Variants in ILKAP observed in about 807,000 individuals in gnomAD.
ILKAP encodes ILK associated serine/threonine phosphatase, also known as integrin-linked kinase-associated serine/threonine phosphatase 2C.
In ILKAP, 11 loss-of-function variants were observed where a neutral mutation model predicts 49.1. That is an observed-to-expected ratio of 0.22 (90% CI 0.14 to 0.37). The LOEUF is 0.37. ILKAP is among the 10% of genes least tolerant of loss of function. The probability of loss-of-function intolerance (pLI) is 1.00; values close to 1 mark genes in which losing one functional copy is unlikely to be tolerated. For synonymous variants in ILKAP, 186 were observed against 192.8 expected, an observed-to-expected ratio of 0.96 and a Z score of 0.29; for missense variants, 363 against 510.8, an observed-to-expected ratio of 0.71 and a Z score of 2.79.
At chr2:238,175,556 G>A (rs13000667) in intron 9 of ILKAP, among the ~76,000 whole-genome samples, 37,007 of 152,114 alleles carry the variant, frequency 0.24, 5,638 homozygotes, top group South Asian at 0.37. Context: ...GATGTCCTAC[G>A]TAGGATGTGC....
At chr2:238,183,549 T>C (rs1157356631) in intron 8 of ILKAP, 104 bp downstream of exon 8, 10 of 830,566 alleles carry the variant, frequency 1.2e-5, no homozygotes, top group South Asian at 1.6e-5. Context: ...AAGAAAGGTT[T>C]CAACCAGACA....
At chr2:238,195,599 T>A (rs925224045) in intron 1 of ILKAP, among the ~76,000 whole-genome samples, 1 of 152,212 alleles carries the variant, frequency 6.6e-6, no homozygotes, top group African/African-American at 2.4e-5. Flanking sequence ...AGCTTTTTCC[T>A]GAAATTCTGT....
intron 4 of ILKAP, among the ~76,000 whole-genome samples, chr2:238,189,520 C>A (rs1694036017): frequency 6.6e-6 from 1 of 152,084 alleles, no homozygotes; most frequent in Non-Finnish European, 1.5e-5. Context: ...TGACAAACTG[C>A]AAACAAAGAT....
intron 11 of ILKAP, 25 bp downstream of exon 11, chr2:238,170,918 A>G (rs1457209589): frequency 3.7e-6 from 6 of 1,600,446 alleles, no homozygotes; most frequent in Middle Eastern, 1.7e-4. Context: ...TGGGACAACC[A>G]CCACCCCCGT....
intron 9 of ILKAP, among the ~76,000 whole-genome samples, chr2:238,176,800 C>G (rs1693479651): frequency 6.6e-6 from 1 of 152,240 alleles, no homozygotes; most frequent in Non-Finnish European, 1.5e-5. Context: ...CAAGACACAG[C>G]TGGTCTCAAT....
At chr2:238,175,581 G>T (rs1693414938) in intron 9 of ILKAP, among the ~76,000 whole-genome samples, 1 of 152,138 alleles carries the variant, frequency 6.6e-6, no homozygotes, top group South Asian at 2.1e-4. Context: ...TCAAATACCT[G>T]TCAGTTCAAC....
At chr2:238,195,790 C>T (rs1694317142) in intron 1 of ILKAP, among the ~76,000 whole-genome samples, 1 of 152,102 alleles carries the variant, frequency 6.6e-6, no homozygotes, top group South Asian at 2.1e-4. Context: ...TGCCTATAAA[C>T]CCAGCACTTC....
rs554931391 is a variant in ILKAP, at chr2:238,202,434, A to T, written c.55+1065T>A. Among the ~76,000 whole-genome samples the T allele has an allele frequency of 6.6e-5, 10 of 152,210 alleles. No individual in the cohort carries two copies. In the South Asian group the frequency reaches 2.1e-3, roughly 32 times the overall value. On this transcript the variant is annotated intron_variant, in intron 1 of 11. Transcript: ENST00000254654. ...ACCCTTCAGAAAGCAGCTCTTAGAA[A>T]GCGAAGGCTGGGCCTTACTCACCTC...
chr2:238,171,183 G>GT (rs2106324224), intron 10 of ILKAP, among the ~76,000 whole-genome samples, 159 bp from the exon 11 acceptor site: 1 of 147,562 alleles, frequency 6.8e-6, no homozygotes, highest in East Asian at 1.9e-4. Flanking sequence ...TTTTGAGATG[G>GT]AGTTTCACTC....
Position 238,173,545 on chromosome 2 carries a change from G to T in ILKAP, c.945C>A (p.Thr315=). The change falls in exon 10 of 12, where the codon ACC becomes ACA. Residue 315 remains threonine (T), a synonymous_variant. Transcript: ENST00000254654. ...ATAGGGCCTTTTACCTGTCATTGGG[G>T]GTCAGCTGGCAGCGTCTGATGTCGG... ...SVPDIRRCQL[T]PNDRFILLAC... The T allele has an allele frequency of 6.2e-7, 1 of 1,613,560 alleles. No homozygotes were observed. The highest frequency in any genetic ancestry group is 8.5e-7 in the Non-Finnish European group (1 of 1,179,610).
Position 238,180,931 on chromosome 2 carries a change from T to A in ILKAP, c.836+1134A>T, listed in dbSNP as rs1327450270. ...CATGTTAGAGTCACATTCTCAGGCA[T>A]GACTGTCCACAGTAGTTACCAGGAC... On this transcript the variant is annotated intron_variant, in intron 9 of 11. Transcript: ENST00000254654. 2.0e-5 allele frequency among the ~76,000 whole-genome samples: 3 copies of A among 152,370 alleles called. No individual in the cohort carries two copies. In the East Asian group the frequency reaches 5.8e-4, roughly 29 times the overall value.
At chr2:238,195,070 G>A (rs1162975822) in intron 1 of ILKAP, among the ~76,000 whole-genome samples, 200 bp from the exon 2 acceptor site, 1 of 152,150 alleles carries the variant, frequency 6.6e-6, no homozygotes, top group African/African-American at 2.4e-5. Flanking sequence ...AACAGTTACA[G>A]TCAACATAAA....
intron 10 of ILKAP, among the ~76,000 whole-genome samples, chr2:238,172,475 A>G (rs1312894149): frequency 1.3e-5 from 2 of 152,120 alleles, no homozygotes; most frequent in African/African-American, 4.8e-5. Context: ...TGAGACTCAG[A>G]CCCTCAATAA....
chr2:238,176,677 AG>A (rs2106327825), intron 9 of ILKAP, among the ~76,000 whole-genome samples: 2 of 152,308 alleles, frequency 1.3e-5, no homozygotes, highest in Non-Finnish European at 2.9e-5. Flanking sequence ...AGAGAGAGAG[AG>A]AGACTGGGTG....
At chr2:238,187,984 G>T in intron 5 of ILKAP, 147 bp downstream of exon 5, 1 of 960,390 alleles carries the variant, frequency 1.0e-6, no homozygotes, top group Non-Finnish European at 1.5e-6. Flanking sequence ...TGGGCGGGGA[G>T]CAAAATCAAC....
intron 9 of ILKAP, among the ~76,000 whole-genome samples, chr2:238,176,711 G>A (rs1693476597): frequency 6.6e-6 from 1 of 152,266 alleles, no homozygotes; most frequent in Non-Finnish European, 1.5e-5. Context: ...CCTACTACTT[G>A]TGTGTTTAAG....
At position 238,195,221 on chromosome 2, in the gene ILKAP, A is replaced by C. The variant is rs147507916; in HGVS notation, c.56-351T>G. Among the ~76,000 whole-genome samples, 376 of 152,278 alleles carry C rather than the reference A, an allele frequency of 2.5e-3. 1 individual carries two copies. The highest frequency in any genetic ancestry group is 8.6e-3 in the African/African-American group (358 of 41,564). On this transcript the variant is annotated intron_variant, in intron 1 of 11. Coordinates refer to ENST00000254654, the MANE Select transcript of ILKAP (RefSeq NM_030768.3). The stretch of plus-strand genomic sequence containing the variant: ...TAAAATAGAATCCTGGGAAGAAAAA[A>C]ACTGATTCTAGACCAGGAAAACAAT...
chr2:238,190,044 T>C, intron 3 of ILKAP, 72 bp from the exon 4 acceptor site: 1 of 1,534,130 alleles, frequency 6.5e-7, no homozygotes, highest in Non-Finnish European at 8.9e-7. Flanking sequence ...TAGACTGGGC[T>C]TCATCCTAGC....
chr2:238,181,771 C>T (rs977118546), intron 9 of ILKAP, among the ~76,000 whole-genome samples: 7 of 151,948 alleles, frequency 4.6e-5, no homozygotes, highest in Non-Finnish European at 5.9e-5. Flanking sequence ...TACAGGCGCC[C>T]GCCACCACGA....
Sources: allele counts gnomAD v4.1 joint callset (sites outside exome capture counted in the v4.1 genomes callset), GRCh38; gene constraint gnomAD v4.1.1; transcripts MANE v1.5; gene names NCBI Gene and HGNC (gene_info 2026-07-23, HGNC 2026-07-21).